The following ENTREP1 variants were observed in gnomAD, a reference collection of about 807,000 sequenced individuals.
ENTREP1 encodes the protein endosomal transmembrane epsin interactor 1, also known as Friedreich ataxia region gene X123.
At chr9:69,369,486 C>T in the ENTREP1 span, among the ~76,000 whole-genome samples, 1 of 152,114 alleles carries the variant, frequency 6.6e-6, no homozygotes, top group East Asian at 1.9e-4. Context: ...ACATCCTCTC[C>T]AGCATTTGTT....
At chr9:69,379,561 T>C in the ENTREP1 span, 12 of 152,374 alleles carry the variant, frequency 7.9e-5, no homozygotes, top group African/African-American at 2.6e-4. Context: ...TGAAGAGATA[T>C]GGCAGCAAAA....
the ENTREP1 span, chr9:69,324,728 C>T: frequency 1.0e-6 from 1 of 984,862 alleles, no homozygotes; most frequent in South Asian, 4.7e-5. Flanking sequence ...CGCCCCAAAG[C>T]CCCTCCTCCA....
the ENTREP1 span, among the ~76,000 whole-genome samples, chr9:69,351,528 T>A: frequency 6.6e-6 from 1 of 152,212 alleles, no homozygotes; most frequent in Non-Finnish European, 1.5e-5. Context: ...GTGATTCTCT[T>A]GCCTCAGCCT....
chr9:69,333,313 T>A, the ENTREP1 span, among the ~76,000 whole-genome samples: 5,317 of 151,738 alleles, frequency 0.035, 272 homozygotes, highest in African/African-American at 0.11. Flanking sequence ...TTTAATAATA[T>A]TATTATTTTT....
chr9:69,333,824 C>T, the ENTREP1 span, among the ~76,000 whole-genome samples: 4 of 152,144 alleles, frequency 2.6e-5, no homozygotes, highest in South Asian at 2.1e-4. Flanking sequence ...CAGTAGGCAC[C>T]GGAGTGGGCA....
chr9:69,386,599 A>C, the ENTREP1 span: 1 of 152,218 alleles, frequency 6.6e-6, no homozygotes, highest in African/African-American at 2.4e-5. Flanking sequence ...AGAAAATTAA[A>C]ATCTCCTGTA....
the ENTREP1 span, among the ~76,000 whole-genome samples, chr9:69,362,866 C>T: frequency 6.6e-6 from 1 of 152,200 alleles, no homozygotes; most frequent in Non-Finnish European, 1.5e-5. Context: ...CCTTGGACAT[C>T]GGACTCCGAG....
the ENTREP1 span, among the ~76,000 whole-genome samples, chr9:69,331,269 C>T: frequency 6.6e-6 from 1 of 152,192 alleles, no homozygotes; most frequent in East Asian, 1.9e-4. Context: ...TGATTCAGAA[C>T]ATTTTTGCCC....
At chr9:69,385,369 C>A in the ENTREP1 span, among the ~76,000 whole-genome samples, 1 of 152,288 alleles carries the variant, frequency 6.6e-6, no homozygotes, top group East Asian at 1.9e-4. Context: ...TCCGGGAGTT[C>A]TGCAGCCCAC....
At chr9:69,331,127 A>C in the ENTREP1 span, among the ~76,000 whole-genome samples, 3 of 152,206 alleles carry the variant, frequency 2.0e-5, no homozygotes, top group South Asian at 6.2e-4. Context: ...TGCCATTGTA[A>C]GAGCTATAGG....
At chr9:69,352,145 CTT>C in the ENTREP1 span, among the ~76,000 whole-genome samples, 1 of 151,892 alleles carries the variant, frequency 6.6e-6, no homozygotes. Context: ...GAGACAGAGT[CTT>C]TCTCTGTTGC....
the ENTREP1 span, chr9:69,336,353 T>C: frequency 1.3e-6 from 1 of 781,354 alleles, no homozygotes; most frequent in Non-Finnish European, 2.1e-6. Flanking sequence ...GAAGAAATGC[T>C]TAAGCTTCCT....
chr9:69,387,271 A>G, the ENTREP1 span: 126,164 of 152,450 alleles, frequency 0.83, 52,303 homozygotes, highest in South Asian at 0.89. Flanking sequence ...TTTCTCCAGA[A>G]GAAAGGGGGT....
the ENTREP1 span, among the ~76,000 whole-genome samples, chr9:69,376,941 G>A: frequency 6.6e-6 from 1 of 152,206 alleles, no homozygotes; most frequent in Admixed American, 6.5e-5. Flanking sequence ...AATAGAATTA[G>A]TGGCCACAAA....
chr9:69,329,277 A>G, the ENTREP1 span: 1 of 802,682 alleles, frequency 1.2e-6, no homozygotes, highest in Non-Finnish European at 1.5e-6. Flanking sequence ...CTTCACTGAA[A>G]ATTTTGCTTG....
the ENTREP1 span, among the ~76,000 whole-genome samples, chr9:69,366,663 A>G: frequency 1.3e-5 from 2 of 151,804 alleles, no homozygotes; most frequent in Non-Finnish European, 2.9e-5. Flanking sequence ...GCAGTTTCCT[A>G]GTTTCAGGTT....
the ENTREP1 span, among the ~76,000 whole-genome samples, chr9:69,353,359 T>A: frequency 6.6e-6 from 1 of 152,218 alleles, no homozygotes; most frequent in South Asian, 2.1e-4. Context: ...CAATTAACTC[T>A]GATGTGCCCT....
chr9:69,340,817 G>GTGTGTGTA, the ENTREP1 span, among the ~76,000 whole-genome samples: 38 of 151,372 alleles, frequency 2.5e-4, no homozygotes, highest in African/African-American at 5.1e-4. Flanking sequence ...GTGTGTATGT[G>GTGTGTGTA]TGTGTGTGTG....
chr9:69,349,456 G>T, the ENTREP1 span, among the ~76,000 whole-genome samples: 6 of 152,088 alleles, frequency 3.9e-5, no homozygotes, highest in African/African-American at 1.4e-4. Context: ...CTGTTTTTTT[G>T]ATTGTAGCCA....
Sources: allele counts gnomAD v4.1 joint callset (sites outside exome capture counted in the v4.1 genomes callset), GRCh38; gene constraint gnomAD v4.1.1; transcripts MANE v1.5; gene names NCBI Gene and HGNC (gene_info 2026-07-23, HGNC 2026-07-21).